Variants in PCDHGB3 observed in about 807,000 individuals in gnomAD.
The protein encoded by PCDHGB3 is protocadherin gamma-B3.
A neutral mutation model predicts 59.2 loss-of-function variants in PCDHGB3; 40 were observed. The ratio of observed to expected loss-of-function variants is 0.68; its 90% CI spans 0.52 to 0.88. PCDHGB3 has a LOEUF of 0.88. Ranked by LOEUF, PCDHGB3 falls within the 40% of genes least tolerant of loss-of-function variation. The pLI, the probability that PCDHGB3 is intolerant of heterozygous loss-of-function variation, is 0.00. For missense variants in PCDHGB3, 1,309 were observed against 1,187.9 expected (o/e 1.10, Z -1.50); for synonymous variants, 581 against 503.6 (o/e 1.15, Z -2.06).
intron 1 of PCDHGB3, chr5:141,441,260 A>G (rs1217151195): frequency 1.3e-5 from 2 of 152,222 alleles, no homozygotes; most frequent in Non-Finnish European, 2.9e-5. Context: ...AAATCACAAG[A>G]TCTGGATTCG....
intron 1 of PCDHGB3, chr5:141,418,422 G>T: frequency 6.2e-7 from 1 of 1,613,996 alleles, no homozygotes; most frequent in Non-Finnish European, 8.5e-7. Context: ...AATCCTGATG[G>T]TGGCAAATAT....
At chr5:141,474,722 C>G (rs1562046141) in intron 1 of PCDHGB3, among the ~76,000 whole-genome samples, 1 of 152,216 alleles carries the variant, frequency 6.6e-6, no homozygotes, top group Non-Finnish European at 1.5e-5. Flanking sequence ...TTCAAAAGGA[C>G]TCTATGCAAT....
At position 141,503,992 on chromosome 5, in the gene PCDHGB3, A is replaced by G. The variant is rs1419698681; in HGVS notation, c.2475-1401A>G. 2.6e-5 allele frequency among the ~76,000 whole-genome samples: 4 copies of G among 152,116 alleles called. No homozygotes were observed. In the East Asian group the frequency reaches 7.7e-4, roughly 29 times the overall value. ...GGTGCCAAACCCTTCTTCTTACCTTACAGTCACTTAACTGTCTCTGCTGGT... is the reference window on the plus strand; with the variant it reads ...GGTGCCAAACCCTTCTTCTTACCTTGCAGTCACTTAACTGTCTCTGCTGGT... On this transcript the variant is annotated intron_variant, in intron 2 of 3. Transcript: ENST00000576222.
At chr5:141,419,439 C>G (rs375537017) in intron 1 of PCDHGB3, 1 of 1,613,154 alleles carries the variant, frequency 6.2e-7, no homozygotes, top group Non-Finnish European at 8.5e-7. Context: ...CAGCTGCGCA[C>G]CTTCGAGCTC....
At chr5:141,412,233 A>T (rs866840267) in intron 1 of PCDHGB3, 1 of 152,256 alleles carries the variant, frequency 6.6e-6, no homozygotes, top group Non-Finnish European at 1.5e-5. Context: ...TTAAAAACCT[A>T]TATCACTACA....
Position 141,400,079 on chromosome 5 carries a change from C to G in PCDHGB3, c.2415+27270C>G, listed in dbSNP as rs1377742612. On this transcript the variant is annotated intron_variant, in intron 1 of 3. Coordinates refer to ENST00000576222, the MANE Select transcript of PCDHGB3 (RefSeq NM_018924.5). ...CGTGATGGTGGACAGCCGCCACTCT[C>G]CGCCACCGCCACGCTGCACTTGGTC... 2.5e-6 allele frequency: 4 copies of G among 1,613,924 alleles called. No individual in the cohort carries two copies. In the East Asian group the frequency reaches 6.7e-5, roughly 27 times the overall value.
At chr5:141,375,133 A>G in intron 1 of PCDHGB3, 2 of 1,613,958 alleles carry the variant, frequency 1.2e-6, no homozygotes, top group Non-Finnish European at 1.7e-6. Flanking sequence ...TGGTTGTTAC[A>G]TCTGGAAGCA....
chr5:141,394,487 C>A, intron 1 of PCDHGB3: 1 of 1,614,248 alleles, frequency 6.2e-7, no homozygotes. Context: ...AGAATGACAA[C>A]GCGCCCGAGA....
At chr5:141,450,225 C>A (rs1294362576) in intron 1 of PCDHGB3, among the ~76,000 whole-genome samples, 1 of 151,976 alleles carries the variant, frequency 6.6e-6, no homozygotes, top group Non-Finnish European at 1.5e-5. Flanking sequence ...ACTATGTTGG[C>A]CAGGCTAGTC....
At chr5:141,412,001 A>G (rs2095528527) in intron 1 of PCDHGB3, 1 of 151,750 alleles carries the variant, frequency 6.6e-6, no homozygotes, top group Non-Finnish European at 1.5e-5. Flanking sequence ...GCATAGTGAC[A>G]TAAACACTTC....
In PCDHGB3 at chr5:141,432,613, G is replaced by A. The variant is rs1461837957; in HGVS notation, c.2415+59804G>A. 6.2e-7 allele frequency: 1 copy of A among 1,613,946 alleles called. No homozygotes were observed. The highest frequency in any genetic ancestry group is 1.3e-5 in the African/African-American group (1 of 75,056). On this transcript the variant is annotated intron_variant, in intron 1 of 3. Coordinates refer to ENST00000576222, the MANE Select transcript of PCDHGB3 (RefSeq NM_018924.5). The surrounding 1 kb of genome is among the most constrained non-coding windows in gnomAD (Gnocchi z 6.0). ...AGGCCAGCGAGCCGGGACTCTTCTC[G>A]GTGGGTCTGCACACGGGCGAGGTGC...
At position 141,432,781 on chromosome 5, in the gene PCDHGB3, C is replaced by T. The variant is rs761954375; in HGVS notation, c.2415+59972C>T. On this transcript the variant is annotated intron_variant, in intron 1 of 3. Coordinates refer to ENST00000576222, the MANE Select transcript of PCDHGB3 (RefSeq NM_018924.5). This position sits in a 1 kb window ranked among gnomAD's most constrained non-coding sequence, Gnocchi z 6.0. ...ACAGCATCCCCCAAGTCCTGGCGGA[C>T]CTCGGCAGCCTCGAGTCTCCAGCTA... The T allele has an allele frequency of 3.1e-6, 5 of 1,614,064 alleles. No homozygotes were observed. The Admixed American group carries it at 8.3e-5, about 27-fold the overall frequency.
chr5:141,432,766 C>G lies in PCDHGB3; in HGVS notation c.2415+59957C>G. On this transcript the variant is annotated intron_variant, in intron 1 of 3. Transcript: ENST00000576222. This position sits in a 1 kb window ranked among gnomAD's most constrained non-coding sequence, Gnocchi z 6.0. Reference sequence around the variant, plus strand: ...CCGTGGCCGTGGCCGACAGCATCCCCCAAGTCCTGGCGGACCTCGGCAGCC... The same window carrying G: ...CCGTGGCCGTGGCCGACAGCATCCCGCAAGTCCTGGCGGACCTCGGCAGCC... 6.2e-7 allele frequency: 1 copy of G among 1,614,160 alleles called. No individual in the cohort carries two copies. The highest frequency in any genetic ancestry group is 8.5e-7 in the Non-Finnish European group (1 of 1,179,994).
intron 1 of PCDHGB3, among the ~76,000 whole-genome samples, chr5:141,381,826 C>CTTCTTTTTTT (rs1777532522): frequency 3.1e-4 from 23 of 74,294 alleles, no homozygotes; most frequent in African/African-American, 1.4e-3. Context: ...CTTTCTTCTT[C>CTTCTTTTTTT]TTTTTTTTTT....
chr5:141,432,416 C>T lies in PCDHGB3; in HGVS notation c.2415+59607C>T. 4 of 1,614,258 alleles carry T rather than the reference C, an allele frequency of 2.5e-6. No individual in the cohort carries two copies. Among genetic ancestry groups the T allele is most frequent in the Non-Finnish European group, 3.4e-6 (4 of 1,180,048 alleles). ...CAACGTGTCGTTGAGCCTGTTCGTG[C>T]TGGACCAGAACGACAATGCGCCCGA... On this transcript the variant is annotated intron_variant, in intron 1 of 3. Coordinates refer to ENST00000576222, the MANE Select transcript of PCDHGB3 (RefSeq NM_018924.5). The surrounding 1 kb of genome is among the most constrained non-coding windows in gnomAD (Gnocchi z 6.0).
At chr5:141,497,848 T>C (rs2099779951) in intron 2 of PCDHGB3, among the ~76,000 whole-genome samples, 1 of 152,178 alleles carries the variant, frequency 6.6e-6, no homozygotes, top group South Asian at 2.1e-4. Flanking sequence ...AACAAACATT[T>C]TTGATTCAGC....
At chr5:141,464,995 G>A (rs1330469198) in intron 1 of PCDHGB3, among the ~76,000 whole-genome samples, 1 of 151,962 alleles carries the variant, frequency 6.6e-6, no homozygotes, top group East Asian at 1.9e-4. Context: ...TCCCACCTCA[G>A]CCTCCCAAAG....
chr5:141,419,311 C>T (rs745852942), intron 1 of PCDHGB3: 4 of 1,613,876 alleles, frequency 2.5e-6, no homozygotes, highest in East Asian at 4.5e-5. Context: ...TCGGGCTCAA[C>T]GGCCGTGTCT....
At chr5:141,444,138 C>CTTGTGTG (rs2098418688) in intron 1 of PCDHGB3, among the ~76,000 whole-genome samples, 1 of 122,946 alleles carries the variant, frequency 8.1e-6, no homozygotes, top group South Asian at 2.7e-4. Flanking sequence ...ATATGTGTCA[C>CTTGTGTG]TTGTGTGTAC....
Sources: allele counts gnomAD v4.1 joint callset (sites outside exome capture counted in the v4.1 genomes callset), GRCh38; gene constraint gnomAD v4.1.1; non-coding constraint Gnocchi (gnomAD v3.1); transcripts MANE v1.5; gene names NCBI Gene and HGNC (gene_info 2026-07-23, HGNC 2026-07-21).